LAMB4: variants seen among roughly 807,000 people sequenced by gnomAD.
LAMB4 encodes laminin subunit beta 4.
In LAMB4, 196 loss-of-function variants were observed where a neutral mutation model predicts 199.2. That is an observed-to-expected ratio of 0.98 (90% CI 0.88 to 1.11). The LOEUF is 1.11. LAMB4 is among the 50% of genes least tolerant of loss of function. LAMB4 has a pLI of 0.00. For missense variants in LAMB4, 2,080 were observed against 2,171.2 expected (o/e 0.96, Z 0.83); for synonymous variants, 744 against 770.6 (o/e 0.97, Z 0.57).
At chr7:108,084,448 T>G (rs1177730815) in intron 14 of LAMB4, among the ~76,000 whole-genome samples, 1 of 152,056 alleles carries the variant, frequency 6.6e-6, no homozygotes, top group Non-Finnish European at 1.5e-5. Flanking sequence ...TAGTTAATAA[T>G]TTTATTTCTT....
chr7:108,030,869 G>A lies in LAMB4; in HGVS notation c.4929C>T (p.Asp1643=). 6.2e-7 allele frequency: 1 copy of A among 1,614,140 alleles called. No individual in the cohort carries two copies. The highest frequency in any genetic ancestry group is 1.1e-5 in the South Asian group (1 of 91,080). The part of the protein sequence containing the change: ...LLQTKLQRHQ[D]HAVNAKVQAE... ...CCTGAACTTTCGCATTGACAGCGTG[G>A]TCTTGATGCCTTTGCAACTTGGTCT... is the stretch of plus-strand genomic sequence containing the variant. Residue 1643 remains aspartate (D), a synonymous_variant, in exon 32 of 34, where the codon GAC becomes GAT. Transcript: ENST00000388781.
At chr7:108,066,195 T>C (rs193295283) in intron 20 of LAMB4, among the ~76,000 whole-genome samples, 174 bp downstream of exon 20, 1 of 152,264 alleles carries the variant, frequency 6.6e-6, no homozygotes, top group East Asian at 1.9e-4. Flanking sequence ...TAATCCTGCA[T>C]TTTCTGGCTC....
At chr7:108,094,326 G>A (rs1456123698) in intron 12 of LAMB4, among the ~76,000 whole-genome samples, 1 of 152,188 alleles carries the variant, frequency 6.6e-6, no homozygotes, top group African/African-American at 2.4e-5. Flanking sequence ...TGGTCATGGA[G>A]GTTGGCGTGG....
intron 32 of LAMB4, among the ~76,000 whole-genome samples, chr7:108,029,630 G>T (rs189378458): frequency 6.6e-6 from 1 of 152,274 alleles, no homozygotes; most frequent in East Asian, 1.9e-4. Context: ...TATGTTATTT[G>T]GTTGGCAAAA....
At chr7:108,102,521 G>A (rs2037850060) in intron 10 of LAMB4, among the ~76,000 whole-genome samples, 1 of 152,212 alleles carries the variant, frequency 6.6e-6, no homozygotes. Context: ...AAAGTCCCAA[G>A]AGTGACAGGC....
chr7:108,083,549 C>G (rs1391994218), intron 14 of LAMB4, among the ~76,000 whole-genome samples: 1 of 152,194 alleles, frequency 6.6e-6, no homozygotes, highest in African/African-American at 2.4e-5. Context: ...ATTCACTGCC[C>G]TTACACAAAC....
intron 12 of LAMB4, among the ~76,000 whole-genome samples, chr7:108,093,775 G>T (rs929521007): frequency 6.6e-6 from 1 of 152,100 alleles, no homozygotes; most frequent in Non-Finnish European, 1.5e-5. Context: ...TTTGGAAATG[G>T]TCTTGTTAAG....
chr7:108,064,246 A>C (rs2036260855), intron 21 of LAMB4, among the ~76,000 whole-genome samples: 1 of 152,022 alleles, frequency 6.6e-6, no homozygotes, highest in Non-Finnish European at 1.5e-5. Flanking sequence ...AATACCATGG[A>C]GCTGTGGGCA....
chr7:108,063,886 G>A lies in LAMB4; in HGVS notation c.2936C>T (p.Thr979Ile). Residue 979 changes from threonine (T) to isoleucine (I), a missense_variant, in exon 22 of 34, where the codon ACC (threonine) becomes ATC (isoleucine). By Grantham distance (89) the Thr-to-Ile change is moderately conservative. Transcript: ENST00000388781. ...TACCCGGCTGCAGGACTCTGGATCG[G>A]TTACATCTATGTTGTTGTTGCAGGC... ...PCACNNNIDV[T>I]DPESCSRVTG... The A allele has an allele frequency of 6.2e-7, 1 of 1,614,198 alleles. No individual in the cohort carries two copies. The highest frequency in any genetic ancestry group is 8.5e-7 in the Non-Finnish European group (1 of 1,180,028).
chr7:108,056,865 G>A (rs1038549137), intron 24 of LAMB4, among the ~76,000 whole-genome samples: 2 of 151,708 alleles, frequency 1.3e-5, no homozygotes, highest in African/African-American at 2.4e-5. Flanking sequence ...AGCTACTCTG[G>A]AGGCTGAGGT....
At chr7:108,023,118 A>T (rs185211469), downstream of LAMB4, among the ~76,000 whole-genome samples, 40 of 152,188 alleles carry the variant, frequency 2.6e-4, no homozygotes, top group African/African-American at 9.4e-4. Context: ...CTGGCTTTAA[A>T]TCTATTTTTT....
chr7:108,024,035 C>T lies in LAMB4; in HGVS notation c.*4G>A. 1 of 1,599,142 alleles carries T rather than the reference C, an allele frequency of 6.3e-7. No homozygotes were observed. Reference sequence around the variant, plus strand: ...AGGCACAAGCTTTTGCTCTTTAACTCTGCCTAGCTATAGCACCTAGCATAT... The same window carrying T: ...AGGCACAAGCTTTTGCTCTTTAACTTTGCCTAGCTATAGCACCTAGCATAT... On this transcript the variant is annotated 3_prime_UTR_variant, in exon 34 of 34. Transcript: ENST00000388781.
At chr7:108,035,983 C>A (rs557246807) in intron 30 of LAMB4, among the ~76,000 whole-genome samples, 1 of 151,664 alleles carries the variant, frequency 6.6e-6, no homozygotes, top group African/African-American at 2.4e-5. Flanking sequence ...CTCAGCCTCC[C>A]GAGTAGCTGG....
chr7:108,087,242 T>TG (rs770629623), intron 14 of LAMB4, among the ~76,000 whole-genome samples: 11 of 152,174 alleles, frequency 7.2e-5, no homozygotes, highest in Non-Finnish European at 1.5e-4. Context: ...TAGCCATTTG[T>TG]GTCCATGGCT....
Position 108,103,238 on chromosome 7 carries a change from A to C in LAMB4, c.992-6T>G, listed in dbSNP as rs1417633938. 6.5e-7 allele frequency: 1 copy of C among 1,541,702 alleles called. No individual in the cohort carries two copies. The highest frequency in any genetic ancestry group is 1.4e-5 in the African/African-American group (1 of 73,266). On this transcript the variant is annotated splice_polypyrimidine_tract_variant and splice_region_variant and intron_variant, in intron 9 of 33. Transcript: ENST00000388781. ...GTGGCTATTACAGCTGCACGCTGAA[A>C]GGAGAAGACAGTGACTGAGAGGTAG...
chr7:108,039,250 T>C (rs964375897), intron 29 of LAMB4, among the ~76,000 whole-genome samples: 3 of 152,124 alleles, frequency 2.0e-5, no homozygotes, highest in Non-Finnish European at 2.9e-5. Flanking sequence ...CAGAGAACAG[T>C]GGGAGCCAAA....
Position 108,095,292 on chromosome 7 carries a change from T to C in LAMB4, c.1406A>G (p.Asp469Gly), listed in dbSNP as rs201340257. Residue 469 changes from aspartate to glycine, a missense_variant, in exon 12 of 34, where the codon GAT becomes GGT. Coordinates refer to ENST00000388781, the MANE Select transcript of LAMB4 (RefSeq NM_007356.3). The part of the protein sequence containing the change: ...PLGSLPFLTC[D>G]VDTGQCLCLS... ...GCACAAGCATTGGCCTGTATCCACA[T>C]CACAGGTCAAGAATGGCAGACTCCC... 1.9e-6 allele frequency: 3 copies of C among 1,613,976 alleles called. No homozygotes were observed. The highest frequency in any genetic ancestry group is 2.5e-6 in the Non-Finnish European group (3 of 1,179,984).
intron 33 of LAMB4, among the ~76,000 whole-genome samples, chr7:108,027,697 T>G (rs2034884990): frequency 6.6e-6 from 1 of 152,230 alleles, no homozygotes. Flanking sequence ...TTAGAGATAG[T>G]TAAGGACATG....
At chr7:108,070,795 G>T (rs1244465579) in intron 17 of LAMB4, among the ~76,000 whole-genome samples, 1 of 152,114 alleles carries the variant, frequency 6.6e-6, no homozygotes, top group African/African-American at 2.4e-5. Context: ...GCATGGGGGT[G>T]TTGACACCCC....
Sources: gnomAD v4.1 joint callset for allele counts (sites outside exome capture counted in the v4.1 genomes callset) on GRCh38, gnomAD v4.1.1 for gene constraint, MANE v1.5 for transcripts, NCBI Gene and HGNC (gene_info 2026-07-23, HGNC 2026-07-21) for gene names.